The following BICC1 variants were observed in gnomAD, a reference collection of about 807,000 sequenced individuals.
BICC1 encodes the protein protein bicaudal C homolog 1.
A neutral mutation model predicts 111.0 loss-of-function variants in BICC1; 43 were observed. The observed-to-expected ratio is 0.39, with a 90% CI of 0.30 to 0.50. The LOEUF (loss-of-function observed/expected upper bound fraction) is 0.50. Among genes scored for constraint, BICC1 ranks in the 20% least tolerant of loss-of-function variants. The probability of loss-of-function intolerance (pLI) is 0.88; values close to 1 mark genes in which losing one functional copy is unlikely to be tolerated. For missense variants in BICC1, 1,091 were observed against 1,203.2 expected (o/e 0.91, Z 1.38); for synonymous variants, 467 against 434.4 (o/e 1.07, Z -0.93).
At chr10:58,667,334 AG>A (rs1300338054) in intron 2 of BICC1, among the ~76,000 whole-genome samples, 1 of 152,118 alleles carries the variant, frequency 6.6e-6, no homozygotes, top group Non-Finnish European at 1.5e-5. Context: ...GATTTTTTAA[AG>A]TGAAGGTATG....
At chr10:58,527,987 C>G (rs943527792) in intron 1 of BICC1, among the ~76,000 whole-genome samples, 1 of 151,944 alleles carries the variant, frequency 6.6e-6, no homozygotes, top group Non-Finnish European at 1.5e-5. Flanking sequence ...AAGGCTGGCA[C>G]ACAATTGGTG....
chr10:58,775,120 C>T (rs1842714911), intron 3 of BICC1, among the ~76,000 whole-genome samples: 1 of 152,078 alleles, frequency 6.6e-6, no homozygotes, highest in African/African-American at 2.4e-5. Context: ...TGCCTGTAAT[C>T]CGAGCACTTT....
At chr10:58,771,147 A>T (rs1268460231) in intron 3 of BICC1, among the ~76,000 whole-genome samples, 2 of 152,176 alleles carry the variant, frequency 1.3e-5, no homozygotes, top group African/African-American at 2.4e-5. Flanking sequence ...AGAAGGACCC[A>T]CTGAGAGAAG....
rs141103570 is a variant in BICC1, at chr10:58,798,414, C to A, written c.1382C>A (p.Thr461Asn). The A allele has an allele frequency of 1.6e-5, 25 of 1,588,466 alleles. No individual in the cohort carries two copies. Among genetic ancestry groups the A allele is most frequent in the Non-Finnish European group, 2.1e-5 (25 of 1,169,572 alleles). ...GLTGLGLLGPTTLSLNTSTTP... is the reference protein window; with the variant it reads ...GLTGLGLLGPNTLSLNTSTTP... ...TTTATTACAGGTCTTTTGGGACCCA[C>A]CACCTTATCTCTGAACACTTCAACA... is the stretch of plus-strand genomic sequence containing the variant. The change falls in exon 11 of 21, where the codon ACC becomes AAC. Residue 461 changes from threonine to asparagine, a missense_variant. Thr to Asn is a moderately conservative substitution (Grantham distance 65, BLOSUM62 0). Transcript: ENST00000373886.
intron 2 of BICC1, among the ~76,000 whole-genome samples, chr10:58,628,092 G>A (rs1837684563): frequency 6.6e-6 from 1 of 152,004 alleles, no homozygotes; most frequent in South Asian, 2.1e-4. Flanking sequence ...CAAGAATTAT[G>A]CCAAAATGTT....
intron 1 of BICC1, among the ~76,000 whole-genome samples, chr10:58,617,692 G>A (rs577708787): frequency 7.2e-5 from 11 of 152,354 alleles, no homozygotes; most frequent in East Asian, 1.9e-4. Flanking sequence ...AATCTGCACC[G>A]ACAGCTTGGC....
chr10:58,687,296 T>G (rs541928136), intron 2 of BICC1, among the ~76,000 whole-genome samples: 15 of 152,328 alleles, frequency 9.8e-5, no homozygotes, highest in African/African-American at 2.6e-4. Flanking sequence ...GGGAGGTGTC[T>G]CCCAGTTAGG....
chr10:58,780,156 C>T lies in BICC1; in HGVS notation c.308-4845C>T, dbSNP rs577074713. ...TTGGAAGAAATTAACTTGAAACAAA[C>T]GTGAAAGAGCTCCACGCCAGGGGAA... On this transcript the variant is annotated intron_variant, in intron 3 of 20. Coordinates refer to ENST00000373886, the MANE Select transcript of BICC1 (RefSeq NM_001080512.3). Among the ~76,000 whole-genome samples the T allele has an allele frequency of 1.1e-4, 17 of 152,222 alleles. No individual in the cohort carries two copies. In the East Asian group the frequency reaches 2.1e-3, roughly 19 times the overall value.
intron 2 of BICC1, among the ~76,000 whole-genome samples, chr10:58,692,440 C>T (rs888236973): frequency 3.3e-5 from 5 of 152,190 alleles, no homozygotes; most frequent in Admixed American, 2.6e-4. Flanking sequence ...AAAACACTTT[C>T]ATCAATCAAT....
intron 1 of BICC1, among the ~76,000 whole-genome samples, chr10:58,536,699 A>T (rs186952085): frequency 9.2e-5 from 14 of 151,938 alleles, no homozygotes; most frequent in Non-Finnish European, 1.8e-4. Context: ...GAAGAAAAAT[A>T]ACAAAGATCA....
rs142515390 is a variant in BICC1 at position 58,813,915 on chromosome 10, G to A, written c.2462G>A (p.Gly821Glu). 1.9e-3 allele frequency: 3,037 copies of A among 1,614,076 alleles called. 6 individuals are homozygous for A. Among genetic ancestry groups the A allele is most frequent in the Admixed American group, 4.3e-3 (260 of 60,006 alleles). Residue 821 changes from glycine to glutamate, a missense_variant, in exon 18 of 21, where the codon GGA (glycine) becomes GAA (glutamate). Physicochemically the swap from Gly to Glu is moderately conservative, Grantham distance 98 (BLOSUM62 -2). Transcript: ENST00000373886. Reference protein sequence around the residue: ...SESDNWRDRNGIGPGSHSEFA... With the variant: ...SESDNWRDRNEIGPGSHSEFA... ...TCTGATAACTGGAGAGACCGAAATG[G>A]AATTGGACCTGGAAGTCATAGTGAA...
At chr10:58,642,883 A>C (rs970685451) in intron 2 of BICC1, among the ~76,000 whole-genome samples, 1 of 151,610 alleles carries the variant, frequency 6.6e-6, no homozygotes, top group African/African-American at 2.4e-5. Context: ...TTTTTTTACT[A>C]TTTTTGTAGA....
intron 1 of BICC1, among the ~76,000 whole-genome samples, chr10:58,571,282 G>A (rs921417602): frequency 7.2e-5 from 11 of 152,004 alleles, no homozygotes; most frequent in African/African-American, 2.7e-4. Context: ...ATACTTTTTC[G>A]TTGCAGTTAG....
rs756953010 is a variant in BICC1 at position 58,830,660 on chromosome 10, C to CT, written c.*1770dup. 19 of 152,140 alleles carry CT rather than the reference C, an allele frequency of 1.2e-4. No homozygotes were observed. Among genetic ancestry groups the CT allele is most frequent in the Non-Finnish European group, 2.6e-4 (18 of 68,022 alleles). The allele number at this position is 152,140 out of a possible 1,614,324, so 9.4% of individuals were successfully genotyped here. A position where few individuals can be genotyped will look rare whatever the true frequency, so the allele number is the denominator to read the frequency against. ...TACCTTGAAGGCATAGATAATGGGC[C>CT]TGTCATAAAATTATCAATTATAACT... On this transcript the variant is annotated 3_prime_UTR_variant, in exon 21 of 21. Transcript: ENST00000373886.
At chr10:58,747,142 A>G (rs1049788841) in intron 3 of BICC1, among the ~76,000 whole-genome samples, 5 of 152,190 alleles carry the variant, frequency 3.3e-5, no homozygotes, top group Non-Finnish European at 5.9e-5. Context: ...AAAGAGAAAT[A>G]TAAAGTGATA....
intron 3 of BICC1, among the ~76,000 whole-genome samples, chr10:58,757,465 G>T (rs1194988290): frequency 6.7e-6 from 1 of 149,196 alleles, no homozygotes; most frequent in Non-Finnish European, 1.5e-5. Context: ...AAGCCTCTGT[G>T]AGACTAGCAT....
At chr10:58,818,095 C>T (rs1390884925) in intron 19 of BICC1, among the ~76,000 whole-genome samples, 1 of 152,118 alleles carries the variant, frequency 6.6e-6, no homozygotes, top group Non-Finnish European at 1.5e-5. Flanking sequence ...TTATTTGTGG[C>T]ACTTAAAAGT....
At chr10:58,667,448 AG>A (rs58999845) in intron 2 of BICC1, among the ~76,000 whole-genome samples, 152,138 of 152,150 alleles carry the variant, frequency 1, 76,063 homozygotes, top group Middle Eastern at 1. Context: ...TATAATTCTT[AG>A]GGAAGGTAGT....
intron 3 of BICC1, among the ~76,000 whole-genome samples, chr10:58,741,953 G>A (rs1364846887): frequency 6.6e-6 from 1 of 152,138 alleles, no homozygotes; most frequent in Admixed American, 6.6e-5. Flanking sequence ...AATCATTTAA[G>A]CCTTGGACTT....
Sources: allele counts gnomAD v4.1 joint callset (sites outside exome capture counted in the v4.1 genomes callset), GRCh38; gene constraint gnomAD v4.1.1; transcripts MANE v1.5; gene names NCBI Gene and HGNC (gene_info 2026-07-23, HGNC 2026-07-21).